Variants in STARD9 observed in about 807,000 individuals in gnomAD.
STARD9 encodes stAR-related lipid transfer protein 9.
STARD9 carries 346 observed loss-of-function variants against 399.8 expected under a neutral mutation model. That is an observed-to-expected ratio of 0.87 (90% CI 0.79 to 0.95). STARD9 has a LOEUF of 0.95. Ranked by LOEUF, STARD9 falls within the 40% of genes least tolerant of loss-of-function variation. The pLI is 0.00. For missense variants in STARD9, 5,832 were observed against 5,667.5 expected, an observed-to-expected ratio of 1.03 and a Z score of -0.93; for synonymous variants, 2,203 against 2,143.5, an observed-to-expected ratio of 1.03 and a Z score of -0.77.
chr15:42,589,595 T>C (rs1405503245), intron 3 of STARD9, among the ~76,000 whole-genome samples: 2 of 152,092 alleles, frequency 1.3e-5, no homozygotes, highest in East Asian at 1.9e-4. Flanking sequence ...GCGTGATGTA[T>C]TTGAGATTCA....
intron 3 of STARD9, among the ~76,000 whole-genome samples, chr15:42,628,511 A>T (rs1029127153): frequency 3.3e-5 from 5 of 152,166 alleles, no homozygotes; most frequent in African/African-American, 1.2e-4. Flanking sequence ...GCCCAGACCT[A>T]TGTCCTGGAG....
At chr15:42,627,570 A>G (rs1023688468) in intron 3 of STARD9, among the ~76,000 whole-genome samples, 18 of 152,286 alleles carry the variant, frequency 1.2e-4, no homozygotes, top group Non-Finnish European at 2.2e-4. Context: ...TTTTGTACCC[A>G]TTAACCATCC....
intron 20 of STARD9, 113 bp from the exon 21 acceptor site, chr15:42,681,309 C>G: frequency 1.8e-6 from 2 of 1,131,892 alleles, no homozygotes; most frequent in Non-Finnish European, 2.4e-6. Context: ...GTCCAAAGCA[C>G]TCTCTACCCT....
chr15:42,693,970 A>G lies in STARD9; in HGVS notation c.12392A>G (p.His4131Arg), dbSNP rs2060779460. The G allele has an allele frequency of 3.3e-6, 5 of 1,506,502 alleles. No homozygotes were observed. The highest frequency in any genetic ancestry group is 4.4e-6 in the Non-Finnish European group (5 of 1,129,480). 93.3% of individuals were successfully genotyped at this position (1,506,502 alleles called of 1,614,324 possible). The change falls in exon 23 of 33, where the codon CAC becomes CGC. Residue 4131 changes from histidine (H) to arginine (R), a missense_variant. This residue lies in a region of STARD9 where 5,828 missense variants were observed against 5,651.1 expected (regional missense o/e 1.03). Coordinates refer to ENST00000290607, the MANE Select transcript of STARD9 (RefSeq NM_020759.3). The part of the protein sequence containing the change: ...QMCMAPEHQH[H>R]SLRDLPVHNK... ...TGCATGGCCCCTGAGCACCAGCACCACAGTCTGAGGGACCTCCCGGTGCAT... is the reference window on the plus strand; with the variant it reads ...TGCATGGCCCCTGAGCACCAGCACCGCAGTCTGAGGGACCTCCCGGTGCAT...
In STARD9 at chr15:42,665,852, G is replaced by A. The variant is rs2060090754; in HGVS notation, c.1317+4G>A. 8 of 1,536,778 alleles carry A rather than the reference G, an allele frequency of 5.2e-6. No individual in the cohort carries two copies. The highest frequency in any genetic ancestry group is 2.4e-5 in the South Asian group (2 of 84,046). ...GGTTCTCCAAAATGAATTGAAGGTG[G>A]GTGTGTTGGGTGGACTCAGTTGTTC... On this transcript the variant is annotated splice_donor_region_variant and intron_variant, in intron 15 of 32. Transcript: ENST00000290607.
chr15:42,713,491 T>TC (rs1263628761), intron 26 of STARD9, among the ~76,000 whole-genome samples: 2 of 152,232 alleles, frequency 1.3e-5, no homozygotes, highest in East Asian at 3.8e-4. Flanking sequence ...GAGGAAGGTA[T>TC]CCATCTTTCA....
chr15:42,653,834 G>A (rs1476052638), intron 9 of STARD9, among the ~76,000 whole-genome samples: 5 of 152,004 alleles, frequency 3.3e-5, no homozygotes, highest in East Asian at 1.9e-4. Context: ...ATTCTTTCTC[G>A]TTTCTTCTCC....
chr15:42,714,100 TCCC>T (rs2061306412), intron 26 of STARD9, among the ~76,000 whole-genome samples: 2 of 145,870 alleles, frequency 1.4e-5, no homozygotes, highest in Non-Finnish European at 3.0e-5. Flanking sequence ...TCTTGCTCTG[TCCC>T]CCAGGCTGGA....
At chr15:42,699,425 T>C (rs1255435686) in intron 26 of STARD9, among the ~76,000 whole-genome samples, 20 of 147,470 alleles carry the variant, frequency 1.4e-4, no homozygotes, top group Admixed American at 1.1e-3. Context: ...GATGGAGTCT[T>C]GCTCTGTCGC....
chr15:42,698,295 T>C (rs945511849), intron 26 of STARD9, among the ~76,000 whole-genome samples: 4 of 152,224 alleles, frequency 2.6e-5, no homozygotes, highest in African/African-American at 9.7e-5. Context: ...TACATTTAAA[T>C]TTTTGATAGG....
Position 42,690,843 on chromosome 15 carries a change from G to A in STARD9, c.9265G>A (p.Val3089Ile). 1.3e-6 allele frequency: 2 copies of A among 1,537,180 alleles called. No homozygotes were observed. The highest frequency in any genetic ancestry group is 1.7e-6 in the Non-Finnish European group (2 of 1,146,922). The change falls in exon 23 of 33, where the codon GTT (valine) becomes ATT (isoleucine). Residue 3089 changes from valine (V) to isoleucine (I), a missense_variant. By Grantham distance (29) the Val-to-Ile change is conservative. Transcript: ENST00000290607. ...GTTAATAGGGGTTCCTGAGAAAAAG[G>A]TTGCTGAGAAGCAAGCAAGCACAGA... ...VGLIGVPEKK[V>I]AEKQASTELE...
At chr15:42,585,853 A>G (rs983556323) in intron 3 of STARD9, among the ~76,000 whole-genome samples, 8 of 152,216 alleles carry the variant, frequency 5.3e-5, no homozygotes, top group African/African-American at 1.9e-4. Flanking sequence ...TTTTCAAGTA[A>G]CCATTTTCAT....
chr15:42,576,035 C>T (rs1356628591), intron 1 of STARD9, among the ~76,000 whole-genome samples: 4 of 152,146 alleles, frequency 2.6e-5, no homozygotes, highest in Non-Finnish European at 5.9e-5. Context: ...CGAGGGACGG[C>T]GGCTCGAGGC....
intron 9 of STARD9, 80 bp from the exon 10 acceptor site, chr15:42,661,078 T>A (rs539420057): frequency 9.3e-7 from 1 of 1,069,870 alleles, no homozygotes; most frequent in South Asian, 1.4e-5. Context: ...ATCCAAAATA[T>A]CACCTTGGTT....
chr15:42,589,778 T>C (rs1021659328), intron 3 of STARD9, among the ~76,000 whole-genome samples: 1 of 151,608 alleles, frequency 6.6e-6, no homozygotes, highest in African/African-American at 2.4e-5. Flanking sequence ...AGCTAATTTT[T>C]TTATTTTTAG....
intron 3 of STARD9, among the ~76,000 whole-genome samples, chr15:42,590,542 G>C (rs1437303314): frequency 6.6e-6 from 1 of 152,194 alleles, no homozygotes; most frequent in Non-Finnish European, 1.5e-5. Flanking sequence ...GGTAGATGTT[G>C]ACAAGAATGT....
At chr15:42,625,586 T>C (rs1182481017) in intron 3 of STARD9, among the ~76,000 whole-genome samples, 2 of 144,228 alleles carry the variant, frequency 1.4e-5, no homozygotes, top group East Asian at 2.1e-4. Context: ...CACCTTGGCC[T>C]CCCAAAGTGC....
At chr15:42,600,347 TGAGGA>T (rs2058596226) in intron 3 of STARD9, among the ~76,000 whole-genome samples, 1 of 152,126 alleles carries the variant, frequency 6.6e-6, no homozygotes, top group African/African-American at 2.4e-5. Context: ...ACTTTTAACC[TGAGGA>T]GAGGAAGCAG....
Position 42,693,767 on chromosome 15 carries a change from A to G in STARD9, c.12189A>G (p.Ser4063=). The change falls in exon 23 of 33, where the codon TCA becomes TCG. Residue 4063 remains serine, a synonymous_variant. Coordinates refer to ENST00000290607, the MANE Select transcript of STARD9 (RefSeq NM_020759.3). ...GGACAGAAAATGGAGGTGAGAGTTC[A>G]GCATCTCCAGGGGAACCACAACGCA... ...QSRTENGGES[S]ASPGEPQRTL... is the part of the protein sequence containing the mutation. 6.5e-7 allele frequency: 1 copy of G among 1,536,420 alleles called. No individual in the cohort carries two copies. The highest frequency in any genetic ancestry group is 8.7e-7 in the Non-Finnish European group (1 of 1,146,672).
Sources: gnomAD v4.1 joint callset for allele counts (sites outside exome capture counted in the v4.1 genomes callset) on GRCh38, gnomAD v4.1.1 for gene constraint, gnomAD v4.1.1 regional missense constraint, MANE v1.5 for transcripts, NCBI Gene and HGNC (gene_info 2026-07-23, HGNC 2026-07-21) for gene names.